GLT1D1: variants seen among roughly 807,000 people sequenced by gnomAD.
GLT1D1 encodes glycosyltransferase 1 domain-containing protein 1.
GLT1D1 carries 21 observed loss-of-function variants against 28.7 expected under a neutral mutation model. That is an observed-to-expected ratio of 0.73 (90% CI 0.52 to 1.05). The LOEUF (loss-of-function observed/expected upper bound fraction) is 1.05. GLT1D1 is among the 50% of genes least tolerant of loss of function. The pLI, the probability that GLT1D1 is intolerant of heterozygous loss-of-function variation, is 0.00. For synonymous variants in GLT1D1, 147 were observed against 124.8 expected (o/e 1.18, Z -1.19); for missense variants, 343 against 330.6 (o/e 1.04, Z -0.29).
intron 3 of GLT1D1, among the ~76,000 whole-genome samples, chr12:128,895,534 G>A (rs996642633): frequency 1.3e-5 from 2 of 150,102 alleles, no homozygotes; most frequent in Admixed American, 6.7e-5. Flanking sequence ...TTGACTCATC[G>A]CAACCTCCGC....
intron 1 of GLT1D1, among the ~76,000 whole-genome samples, chr12:128,867,352 G>A (rs1418986556): frequency 7.9e-6 from 1 of 126,868 alleles, no homozygotes; most frequent in Non-Finnish European, 1.5e-5. Context: ...AGCCGAGATC[G>A]CACCATTGCA....
chr12:128,966,367 C>T (rs540534285), intron 7 of GLT1D1, among the ~76,000 whole-genome samples: 1 of 152,344 alleles, frequency 6.6e-6, no homozygotes, highest in South Asian at 2.1e-4. Flanking sequence ...TACCACTCTG[C>T]CTTTGCTGCT....
intron 4 of GLT1D1, among the ~76,000 whole-genome samples, chr12:128,936,090 A>C (rs1874523771): frequency 6.6e-6 from 1 of 151,842 alleles, no homozygotes; most frequent in African/African-American, 2.4e-5. Context: ...ATGAGTGAAC[A>C]CTTGGACGGT....
At chr12:128,966,702 G>A (rs566444667) in intron 7 of GLT1D1, among the ~76,000 whole-genome samples, 1 of 152,308 alleles carries the variant, frequency 6.6e-6, no homozygotes, top group South Asian at 2.1e-4. Flanking sequence ...GGTGGCAGCT[G>A]TTGGCACAAA....
Position 128,983,184 on chromosome 12 carries a change from C to A in GLT1D1, c.*94C>A. On this transcript the variant is annotated 3_prime_UTR_variant, in exon 8 of 8. Coordinates refer to ENST00000281703, the MANE Select transcript of GLT1D1 (RefSeq NM_144669.3). The surrounding 1 kb of genome is among the most constrained non-coding windows in gnomAD (Gnocchi z 4.7). ...TGGATCACGTGGGCCCAGTGCAGTT[C>A]AAATAAAACCAGCCTCAGCGGAATC... 1 of 1,112,170 alleles carries A rather than the reference C, an allele frequency of 9.0e-7. No individual in the cohort carries two copies. The highest frequency in any genetic ancestry group is 1.3e-6 in the Non-Finnish European group (1 of 762,488). 68.9% of individuals were successfully genotyped at this position (1,112,170 alleles called of 1,614,324 possible).
At chr12:128,950,016 G>A (rs573034740) in intron 6 of GLT1D1, among the ~76,000 whole-genome samples, 20 of 152,234 alleles carry the variant, frequency 1.3e-4, no homozygotes, top group Middle Eastern at 3.4e-3. Flanking sequence ...AGGCAGCTGC[G>A]ACTCTGTGTC....
intron 4 of GLT1D1, among the ~76,000 whole-genome samples, chr12:128,941,031 C>A (rs1297868575): frequency 6.6e-6 from 1 of 152,218 alleles, no homozygotes; most frequent in Non-Finnish European, 1.5e-5. Flanking sequence ...TACTTTCTGT[C>A]TCTGTGATTT....
At chr12:128,943,962 G>A (rs1283685169) in intron 4 of GLT1D1, among the ~76,000 whole-genome samples, 1 of 152,086 alleles carries the variant, frequency 6.6e-6, no homozygotes, top group Admixed American at 6.5e-5. Context: ...CTTATTAACT[G>A]AACAAAAACT....
intron 7 of GLT1D1, among the ~76,000 whole-genome samples, chr12:128,982,320 C>G (rs1043968014): frequency 6.6e-6 from 1 of 152,178 alleles, no homozygotes; most frequent in African/African-American, 2.4e-5. Context: ...GGCTCACTAG[C>G]TTGCCCAAGG....
At chr12:128,889,544 T>C (rs1488944712) in intron 3 of GLT1D1, among the ~76,000 whole-genome samples, 1 of 152,142 alleles carries the variant, frequency 6.6e-6, no homozygotes, top group Non-Finnish European at 1.5e-5. Context: ...TCCCTATAAT[T>C]CTAATGCCCC....
intron 4 of GLT1D1, among the ~76,000 whole-genome samples, chr12:128,941,776 C>T (rs505437): frequency 0.13 from 20,223 of 151,578 alleles, 1,527 homozygotes; most frequent in South Asian, 0.27. Flanking sequence ...CAGGCTTTCA[C>T]CATGTTGGCC....
intron 2 of GLT1D1, among the ~76,000 whole-genome samples, chr12:128,887,054 C>T (rs898213908): frequency 1.3e-5 from 2 of 151,746 alleles, no homozygotes; most frequent in Non-Finnish European, 2.9e-5. Context: ...CTCTATCACC[C>T]AGGCTGCAGT....
chr12:128,942,895 C>T (rs1467307379), intron 4 of GLT1D1, among the ~76,000 whole-genome samples: 2 of 152,012 alleles, frequency 1.3e-5, no homozygotes, highest in Admixed American at 1.3e-4. Flanking sequence ...GGGCTACAGG[C>T]GCGCCATCCA....
At chr12:128,942,315 G>T (rs1875383951) in intron 4 of GLT1D1, among the ~76,000 whole-genome samples, 1 of 152,120 alleles carries the variant, frequency 6.6e-6, no homozygotes, top group Non-Finnish European at 1.5e-5. Flanking sequence ...TTTTTAGAAA[G>T]CACGTACGAT....
intron 1 of GLT1D1, among the ~76,000 whole-genome samples, chr12:128,867,397 C>CAAAAAAAAAAAA (rs1158997935): frequency 1.7e-5 from 1 of 59,302 alleles, no homozygotes; most frequent in Non-Finnish European, 3.2e-5. Context: ...AACTCCTTCT[C>CAAAAAAAAAAAA]AAAAAAAAAA....
At chr12:128,912,770 C>T (rs1440535461) in intron 4 of GLT1D1, among the ~76,000 whole-genome samples, 3 of 151,874 alleles carry the variant, frequency 2.0e-5, no homozygotes, top group Non-Finnish European at 4.4e-5. Flanking sequence ...TAAAGCGTTT[C>T]TCTAGCCTCA....
chr12:128,857,866 A>C (rs561428936), intron 1 of GLT1D1, among the ~76,000 whole-genome samples: 17 of 152,344 alleles, frequency 1.1e-4, no homozygotes, highest in African/African-American at 4.1e-4. Context: ...CTAAATCCTC[A>C]TGAATGTATT....
At chr12:128,908,472 CTTCT>C (rs1436629381) in intron 4 of GLT1D1, among the ~76,000 whole-genome samples, 8 of 125,936 alleles carry the variant, frequency 6.4e-5, no homozygotes, top group Non-Finnish European at 1.2e-4. Flanking sequence ...TCTTTCTTTC[CTTCT>C]TTCTTTTTTT....
chr12:128,889,782 C>G (rs1868827716), intron 3 of GLT1D1, among the ~76,000 whole-genome samples: 1 of 152,182 alleles, frequency 6.6e-6, no homozygotes, highest in Non-Finnish European at 1.5e-5. Flanking sequence ...TCTCTCTTCT[C>G]TTCTCTTTTC....
Sources: allele counts gnomAD v4.1 joint callset (sites outside exome capture counted in the v4.1 genomes callset), GRCh38; gene constraint gnomAD v4.1.1; non-coding constraint Gnocchi (gnomAD v3.1); transcripts MANE v1.5; gene names NCBI Gene and HGNC (gene_info 2026-07-23, HGNC 2026-07-21).